Variants in DLGAP2 observed in about 807,000 individuals in gnomAD.
DLGAP2 encodes DLG associated protein 2, also known as disks large-associated protein 2.
In DLGAP2, 26 loss-of-function variants were observed where a neutral mutation model predicts 100.3. The observed-to-expected ratio is 0.26, with a 90% CI of 0.19 to 0.36. DLGAP2 has a LOEUF of 0.36. Among genes scored for constraint, DLGAP2 ranks in the 10% least tolerant of loss-of-function variants. DLGAP2 has a pLI of 1.00. For missense variants in DLGAP2, 1,858 were observed against 1,453.2 expected, an observed-to-expected ratio of 1.28 and a Z score of -4.53; for synonymous variants, 886 against 630.1, an observed-to-expected ratio of 1.41 and a Z score of -6.08.
At chr8:955,179 A>G (rs908680195) in intron 2 of DLGAP2, among the ~76,000 whole-genome samples, 1 of 152,076 alleles carries the variant, frequency 6.6e-6, no homozygotes, top group East Asian at 1.9e-4. Context: ...TCACCCGTGT[A>G]TGCTGTATTT....
At chr8:1,656,435 T>G (rs536125816) in intron 8 of DLGAP2, among the ~76,000 whole-genome samples, 1 of 152,256 alleles carries the variant, frequency 6.6e-6, no homozygotes, top group Admixed American at 6.5e-5. Context: ...TTTCAATGGG[T>G]AGCAGTCTCC....
chr8:1,378,791 G>A (rs560320204), intron 3 of DLGAP2, among the ~76,000 whole-genome samples: 5 of 152,288 alleles, frequency 3.3e-5, no homozygotes, highest in East Asian at 3.9e-4. Context: ...AGTTTCTGGC[G>A]TTTCCTTCAT....
intron 1 of DLGAP2, among the ~76,000 whole-genome samples, chr8:743,621 T>A (rs1352769146): frequency 6.6e-6 from 1 of 152,176 alleles, no homozygotes; most frequent in African/African-American, 2.4e-5. Flanking sequence ...TTGGAGTGAG[T>A]GGCATAATCT....
chr8:1,300,173 C>A (rs927288978), intron 3 of DLGAP2: 1 of 152,242 alleles, frequency 6.6e-6, no homozygotes, highest in African/African-American at 2.4e-5. Context: ...CAGCCCCTAG[C>A]AATGTTCAAA....
chr8:1,215,752 G>C (rs111519324), intron 2 of DLGAP2, among the ~76,000 whole-genome samples: 1 of 99,350 alleles, frequency 1.0e-5, no homozygotes, highest in African/African-American at 5.3e-5. Context: ...CCAGGTACCT[G>C]GATGGGTTCA....
intron 1 of DLGAP2, among the ~76,000 whole-genome samples, chr8:882,677 G>A (rs1342126675): frequency 1.2e-4 from 12 of 101,900 alleles, no homozygotes; most frequent in African/African-American, 4.7e-4. Context: ...CCTCCCCTGC[G>A]CGCACCCTCG....
intron 4 of DLGAP2, among the ~76,000 whole-genome samples, chr8:1,520,630 G>T (rs373699593): frequency 6.5e-4 from 99 of 152,112 alleles, no homozygotes; most frequent in South Asian, 1.9e-3. Flanking sequence ...TGACTCTTTC[G>T]CTACCTTTGT....
At chr8:1,326,396 C>G (rs1801021542) in intron 3 of DLGAP2, among the ~76,000 whole-genome samples, 1 of 152,180 alleles carries the variant, frequency 6.6e-6, no homozygotes, top group Admixed American at 6.5e-5. Context: ...AAACTCTCTC[C>G]CACTGACTCA....
intron 3 of DLGAP2, among the ~76,000 whole-genome samples, chr8:1,421,842 T>A (rs10095005): frequency 0.16 from 23,647 of 151,960 alleles, 2,007 homozygotes; most frequent in South Asian, 0.25. Context: ...CACATGCCTG[T>A]AATCCCAGCT....
rs79927357 is a variant in DLGAP2 at position 1,177,214 on chromosome 8, A to G, written c.74-81637A>G. Among the ~76,000 whole-genome samples, 319 of 152,246 alleles carry G rather than the reference A, an allele frequency of 2.1e-3. 2 individuals carry two copies. Among genetic ancestry groups the G allele is most frequent in the African/African-American group, 7.2e-3 (298 of 41,554 alleles). ...TTACATCTTTTCTTGCAGTTCAGCT[A>G]TGCGGTTTGTCTTGTGTCCTGTGAT... is the stretch of plus-strand genomic sequence containing the variant. On this transcript the variant is annotated intron_variant, in intron 2 of 14. Transcript: ENST00000637795.
chr8:1,329,170 T>G (rs1801092577), intron 3 of DLGAP2, among the ~76,000 whole-genome samples: 2 of 152,180 alleles, frequency 1.3e-5, no homozygotes, highest in African/African-American at 4.8e-5. Context: ...CAGCCTGGAG[T>G]TCTCAAGAGA....
At chr8:1,083,886 A>C (rs1037554916) in intron 2 of DLGAP2, among the ~76,000 whole-genome samples, 5 of 152,254 alleles carry the variant, frequency 3.3e-5, no homozygotes, top group Admixed American at 2.0e-4. Context: ...TAAGTGGCTA[A>C]TAAAGAACTG....
intron 3 of DLGAP2, among the ~76,000 whole-genome samples, chr8:1,306,317 A>C (rs1173729639): frequency 6.6e-6 from 1 of 152,138 alleles, no homozygotes; most frequent in African/African-American, 2.4e-5. Context: ...TTTAAAAAGG[A>C]AGTAAATAAT....
chr8:755,144 G>T (rs1820889915), intron 1 of DLGAP2, among the ~76,000 whole-genome samples: 2 of 152,280 alleles, frequency 1.3e-5, no homozygotes, highest in Admixed American at 1.3e-4. Context: ...TGTAAATACA[G>T]AGGACAGTGT....
intron 1 of DLGAP2, among the ~76,000 whole-genome samples, chr8:890,398 CG>C (rs1798010873): frequency 6.6e-6 from 1 of 152,154 alleles, no homozygotes. Flanking sequence ...GACCATGGAA[CG>C]TTTTTTTTCC....
chr8:1,295,188 A>G (rs934731196), intron 3 of DLGAP2, among the ~76,000 whole-genome samples: 9 of 152,198 alleles, frequency 5.9e-5, no homozygotes, highest in African/African-American at 2.2e-4. Context: ...GCAGACAGAC[A>G]TGGCGGCAAG....
chr8:1,622,446 G>A (rs1319054883), intron 6 of DLGAP2: 1 of 152,186 alleles, frequency 6.6e-6, no homozygotes, highest in African/African-American at 2.4e-5. Context: ...GCCCTTTCAG[G>A]GGTACCCTTT....
At chr8:1,068,899 A>G (rs963127227) in intron 2 of DLGAP2, among the ~76,000 whole-genome samples, 2 of 152,058 alleles carry the variant, frequency 1.3e-5, no homozygotes, top group African/African-American at 4.8e-5. Context: ...TAAAAAAGGG[A>G]ATCTGTGAAC....
intron 1 of DLGAP2, among the ~76,000 whole-genome samples, chr8:850,887 TC>T: frequency 6.6e-6 from 1 of 152,278 alleles, no homozygotes; most frequent in East Asian, 1.9e-4. Flanking sequence ...AACAAATTTT[TC>T]TCACAAAATA....
Sources: allele counts gnomAD v4.1 joint callset (sites outside exome capture counted in the v4.1 genomes callset), GRCh38; gene constraint gnomAD v4.1.1; transcripts MANE v1.5; gene names NCBI Gene and HGNC (gene_info 2026-07-23, HGNC 2026-07-21).